The following ANKRD30B variants were observed in gnomAD, a reference collection of about 807,000 sequenced individuals.
ANKRD30B encodes the protein ankyrin repeat domain 30B, also known as ankyrin repeat domain-containing protein 30B.
A neutral mutation model predicts 202.2 loss-of-function variants in ANKRD30B; 144 were observed. The observed-to-expected ratio is 0.71, with a 90% CI of 0.62 to 0.82. The LOEUF is 0.82. Among genes scored for constraint, ANKRD30B ranks in the 40% least tolerant of loss-of-function variants. ANKRD30B has a pLI of 0.00. For synonymous variants in ANKRD30B, 508 were observed against 561.3 expected (o/e 0.91, Z 1.34); for missense variants, 1,487 against 1,669.1 (o/e 0.89, Z 1.90).
rs1377268726 is a variant in ANKRD30B, at chr18:14,777,966, T to C, written c.1330-19T>C. 2 of 1,499,696 alleles carry C rather than the reference T, an allele frequency of 1.3e-6. No individual in the cohort carries two copies. 92.9% of individuals were successfully genotyped at this position (1,499,696 alleles called of 1,614,324 possible). On this transcript the variant is annotated intron_variant, in intron 9 of 43. Coordinates refer to ENST00000690538, the MANE Select transcript of ANKRD30B (RefSeq NM_001367607.2). ...AAAAAGGAAAAAGACAAATTATTTATTGGTATTACCTTTAACAGATTATCT... is the reference window on the plus strand; with the variant it reads ...AAAAAGGAAAAAGACAAATTATTTACTGGTATTACCTTTAACAGATTATCT...
At chr18:14,831,621 GT>G (rs796443992) in intron 34 of ANKRD30B, among the ~76,000 whole-genome samples, 166 bp downstream of exon 34, 266 of 148,156 alleles carry the variant, frequency 1.8e-3, no homozygotes, top group Non-Finnish European at 1.8e-3. Context: ...GATTTAAACA[GT>G]TTTTTTTTTG....
At position 14,810,186 on chromosome 18, in the gene ANKRD30B, C is replaced by A. The variant is rs767668898; in HGVS notation, c.2488+6C>A. On this transcript the variant is annotated splice_donor_region_variant and intron_variant, in intron 28 of 43. Transcript: ENST00000690538. ...CAGAGAAACATTAAAAGCAGGTAAACTTTGTAATTTAAATTTTACTCTGGA... is the reference window on the plus strand; with the variant it reads ...CAGAGAAACATTAAAAGCAGGTAAAATTTGTAATTTAAATTTTACTCTGGA... The A allele has an allele frequency of 1.3e-5, 18 of 1,354,302 alleles. No homozygotes were observed. The highest frequency in any genetic ancestry group is 1.7e-5 in the Non-Finnish European group (17 of 992,188). The allele number at this position is 1,354,302 out of a possible 1,614,324, so 83.9% of individuals were successfully genotyped here.
intron 9 of ANKRD30B, among the ~76,000 whole-genome samples, chr18:14,777,302 T>C (rs1169852338): frequency 1.3e-5 from 2 of 151,764 alleles, no homozygotes; most frequent in African/African-American, 4.8e-5. Flanking sequence ...TTTTAATTAT[T>C]TTTTTTTCTT....
chr18:14,787,242 GAGAATAT>G, intron 15 of ANKRD30B, 142 bp downstream of exon 15: 1 of 677,020 alleles, frequency 1.5e-6, no homozygotes, highest in South Asian at 2.1e-5. Context: ...ACGCTTAATA[GAGAATAT>G]ATGTGCTAAG....
chr18:14,767,438 A>C (rs894824949), intron 7 of ANKRD30B, among the ~76,000 whole-genome samples: 4 of 152,242 alleles, frequency 2.6e-5, no homozygotes, highest in Non-Finnish European at 4.4e-5. Context: ...CAATAATAAT[A>C]CATTGTAATC....
downstream of ANKRD30B, among the ~76,000 whole-genome samples, chr18:14,858,676 A>C (rs1342503903): frequency 1.5e-4 from 18 of 123,290 alleles, no homozygotes; most frequent in South Asian, 2.5e-4. Flanking sequence ...CACTCCTCAC[A>C]TCCCAGACGA....
chr18:14,921,695 G>C, the ANKRD30B span, among the ~76,000 whole-genome samples: 2 of 152,228 alleles, frequency 1.3e-5, no homozygotes, highest in Non-Finnish European at 2.9e-5. Context: ...AGTACACAGA[G>C]AGTTGGCAGG....
intron 18 of ANKRD30B, among the ~76,000 whole-genome samples, chr18:14,797,178 C>G (rs1220833083): frequency 1.9e-4 from 29 of 152,112 alleles, no homozygotes; most frequent in Admixed American, 1.9e-3. Flanking sequence ...TGAGGGCATT[C>G]ATAGCACTAT....
At chr18:14,774,245 CTG>C (rs1967211121) in intron 9 of ANKRD30B, among the ~76,000 whole-genome samples, 1 of 151,996 alleles carries the variant, frequency 6.6e-6, no homozygotes, top group Admixed American at 6.6e-5. Flanking sequence ...GAACAAAAGT[CTG>C]TACTTTATGT....
At chr18:14,875,657 A>G in the ANKRD30B span, among the ~76,000 whole-genome samples, 1 of 151,954 alleles carries the variant, frequency 6.6e-6, no homozygotes, top group Non-Finnish European at 1.5e-5. Flanking sequence ...AATGAAATGT[A>G]TTTTCTCTTG....
the ANKRD30B span, among the ~76,000 whole-genome samples, chr18:14,860,402 C>G: frequency 4.2e-5 from 5 of 118,384 alleles, no homozygotes; most frequent in Admixed American, 1.8e-4. Flanking sequence ...CGGGCAGAGG[C>G]GCTCCTCACC....
chr18:14,883,499 A>T, the ANKRD30B span: 1 of 147,266 alleles, frequency 6.8e-6, no homozygotes, highest in Non-Finnish European at 1.5e-5. Flanking sequence ...ACCAGTGTGT[A>T]CCTACCATTG....
chr18:14,810,885 G>C (rs949563212), intron 28 of ANKRD30B, among the ~76,000 whole-genome samples: 7 of 151,338 alleles, frequency 4.6e-5, no homozygotes, highest in African/African-American at 1.7e-4. Flanking sequence ...AGACCAAGGT[G>C]GGCAGATTAC....
chr18:14,927,370 C>A, the ANKRD30B span, among the ~76,000 whole-genome samples: 1 of 152,248 alleles, frequency 6.6e-6, no homozygotes, highest in African/African-American at 2.4e-5. Context: ...TACTGTTGAC[C>A]CTCAGTTTCC....
rs539735550 is a variant in ANKRD30B at position 14,765,329 on chromosome 18, G to A, written c.1225+1239G>A. ...AATATGCAAAATAGCCAGGCTTGGTGGCACGTGCCTGTAATCCCAGCTACT... is the reference window on the plus strand; with the variant it reads ...AATATGCAAAATAGCCAGGCTTGGTAGCACGTGCCTGTAATCCCAGCTACT... On this transcript the variant is annotated intron_variant, in intron 7 of 43. Coordinates refer to ENST00000690538, the MANE Select transcript of ANKRD30B (RefSeq NM_001367607.2). Among the ~76,000 whole-genome samples the A allele has an allele frequency of 9.5e-4, 144 of 152,190 alleles. 1 individual carries two copies. The highest frequency in any genetic ancestry group is 1.6e-3 in the Admixed American group (25 of 15,286).
At chr18:14,786,386 C>T in intron 14 of ANKRD30B, among the ~76,000 whole-genome samples, 1 of 152,170 alleles carries the variant, frequency 6.6e-6, no homozygotes, top group East Asian at 1.9e-4. Flanking sequence ...CACAAGCTGA[C>T]TCTGAAGATA....
At chr18:14,821,183 T>G (rs1970401412) in intron 30 of ANKRD30B, among the ~76,000 whole-genome samples, 1 of 152,202 alleles carries the variant, frequency 6.6e-6, no homozygotes, top group Non-Finnish European at 1.5e-5. Flanking sequence ...GATGGTAGTT[T>G]GTATTTCTGT....
chr18:14,752,864 G>C lies in ANKRD30B; in HGVS notation c.362G>C (p.Cys121Ser), dbSNP rs756853799. 16 of 1,609,914 alleles carry C rather than the reference G, an allele frequency of 9.9e-6. No homozygotes were observed. The highest frequency in any genetic ancestry group is 1.4e-5 in the Non-Finnish European group (16 of 1,177,810). Residue 121 changes from cysteine (C) to serine (S), a missense_variant, in exon 3 of 44, where the codon TGT becomes TCT. Physicochemically the swap from Cys to Ser is moderately radical, Grantham distance 112. Transcript: ENST00000690538. ...GCTCTACAATGCGAGAGGGAGGCTT[G>C]TGCAAATATTCTCATAGATGCTGGT... ...MKALQCEREA[C>S]ANILIDAGAD...
At chr18:14,878,177 T>C in the ANKRD30B span, among the ~76,000 whole-genome samples, 2 of 152,086 alleles carry the variant, frequency 1.3e-5, no homozygotes, top group African/African-American at 2.4e-5. Flanking sequence ...TCAAAGAACA[T>C]TTAAAATGCA....
Sources: allele counts gnomAD v4.1 joint callset (sites outside exome capture counted in the v4.1 genomes callset), GRCh38; gene constraint gnomAD v4.1.1; transcripts MANE v1.5; gene names NCBI Gene and HGNC (gene_info 2026-07-23, HGNC 2026-07-21).